RSPO3: variants seen among roughly 807,000 people sequenced by gnomAD.
The protein encoded by RSPO3 is R-spondin-3.
In RSPO3, 17 loss-of-function variants were observed where a neutral mutation model predicts 36.5. The observed-to-expected ratio is 0.47, with a 90% CI of 0.32 to 0.70. RSPO3 has a LOEUF of 0.70. Among genes scored for constraint, RSPO3 ranks in the 30% least tolerant of loss-of-function variants. The pLI is 0.04. For missense variants in RSPO3, 294 were observed against 322.5 expected (o/e 0.91, Z 0.68); for synonymous variants, 108 against 107.0 (o/e 1.01, Z -0.06).
chr6:127,151,541 C>T (rs929597946), intron 3 of RSPO3, among the ~76,000 whole-genome samples: 1 of 152,004 alleles, frequency 6.6e-6, no homozygotes, highest in Non-Finnish European at 1.5e-5. Context: ...CTCCAGGACT[C>T]CCCTGGAGTC....
At position 127,197,569 on chromosome 6, in the gene RSPO3, C is replaced by T. The variant is rs528752701; in HGVS notation, c.*1562C>T. The T allele has an allele frequency of 3.0e-5, 47 of 1,544,038 alleles. No individual in the cohort carries two copies. In the African/African-American group the frequency reaches 4.0e-4, roughly 13 times the overall value. ...CTTCCTGTTGTCATGGAAGGATGCA[C>T]GGCTGCTCTGTCCACTGTGATTCCT... On this transcript the variant is annotated 3_prime_UTR_variant, in exon 5 of 5. Coordinates refer to ENST00000356698, the MANE Select transcript of RSPO3 (RefSeq NM_032784.5).
At chr6:127,177,745 G>A (rs1775084078) in intron 4 of RSPO3, among the ~76,000 whole-genome samples, 1 of 151,646 alleles carries the variant, frequency 6.6e-6, no homozygotes, top group African/African-American at 2.4e-5. Context: ...GGAAGACAAA[G>A]GAGAAAAGGA....
At chr6:127,119,785 C>A (rs923757794) in intron 1 of RSPO3, 2 of 152,882 alleles carry the variant, frequency 1.3e-5, no homozygotes, top group African/African-American at 2.4e-5. Flanking sequence ...GGTAGCCGAA[C>A]GCCCGCTACC....
chr6:127,179,686 G>C (rs112889910), intron 4 of RSPO3, among the ~76,000 whole-genome samples: 166 of 151,986 alleles, frequency 1.1e-3, no homozygotes, highest in African/African-American at 3.9e-3. Context: ...TGAGAAGGTT[G>C]ACACAAGTTT....
At chr6:127,137,034 T>C (rs1311932193) in intron 1 of RSPO3, among the ~76,000 whole-genome samples, 1 of 152,170 alleles carries the variant, frequency 6.6e-6, no homozygotes, top group Non-Finnish European at 1.5e-5. Context: ...CTGGGTATTC[T>C]CTATGGTAGT....
intron 1 of RSPO3, among the ~76,000 whole-genome samples, chr6:127,129,767 G>A (rs1774013727): frequency 6.6e-6 from 1 of 151,960 alleles, no homozygotes; most frequent in Non-Finnish European, 1.5e-5. Flanking sequence ...GAATGTACGT[G>A]CCCACATAGA....
At chr6:127,121,501 A>G (rs1298757207) in intron 1 of RSPO3, among the ~76,000 whole-genome samples, 1 of 152,214 alleles carries the variant, frequency 6.6e-6, no homozygotes, top group Admixed American at 6.5e-5. Context: ...CAGCACCCAC[A>G]GCGATGCTCT....
intron 4 of RSPO3, among the ~76,000 whole-genome samples, chr6:127,158,026 T>C (rs1324212916): frequency 1.3e-5 from 2 of 150,598 alleles, no homozygotes; most frequent in Non-Finnish European, 3.0e-5. Context: ...ATATAATATG[T>C]ATAATATATA....
At chr6:127,129,857 A>T (rs1219554393) in intron 1 of RSPO3, among the ~76,000 whole-genome samples, 1 of 152,096 alleles carries the variant, frequency 6.6e-6, no homozygotes. Flanking sequence ...GTCTAAGTTC[A>T]TAAAAGAAGG....
At chr6:127,180,515 A>AAAAAAAAAAAAAAAAG (rs1775162612) in intron 4 of RSPO3, among the ~76,000 whole-genome samples, 1 of 136,860 alleles carries the variant, frequency 7.3e-6, no homozygotes, top group Non-Finnish European at 1.6e-5. Context: ...AAAAAAAAAA[A>AAAAAAAAAAAAAAAAG]CCACCAGATC....
At chr6:127,171,406 C>T (rs1307189996) in intron 4 of RSPO3, among the ~76,000 whole-genome samples, 1 of 151,672 alleles carries the variant, frequency 6.6e-6, no homozygotes, top group African/African-American at 2.4e-5. Flanking sequence ...TGAGAAGTGG[C>T]TCTCATGATA....
At chr6:127,173,847 G>T (rs544294668) in intron 4 of RSPO3, among the ~76,000 whole-genome samples, 19 of 152,002 alleles carry the variant, frequency 1.2e-4, no homozygotes, top group African/African-American at 4.6e-4. Flanking sequence ...GTGAGATTGA[G>T]ACTAGGGAAT....
chr6:127,188,902 T>C (rs1184767760), intron 4 of RSPO3, among the ~76,000 whole-genome samples: 1 of 152,112 alleles, frequency 6.6e-6, no homozygotes, highest in Non-Finnish European at 1.5e-5. Flanking sequence ...TGAAGTGACA[T>C]AAACAAGGAT....
intron 3 of RSPO3, among the ~76,000 whole-genome samples, chr6:127,151,771 TAAA>T (rs1377790112): frequency 6.6e-6 from 1 of 152,014 alleles, no homozygotes; most frequent in Non-Finnish European, 1.5e-5. Flanking sequence ...TCTCTAGTTG[TAAA>T]AACACATGGA....
chr6:127,144,643 G>GTTTTTTTGTTTTTTT (rs763226451), intron 1 of RSPO3, among the ~76,000 whole-genome samples: 18,187 of 98,382 alleles, frequency 0.18, 3,104 homozygotes, highest in Non-Finnish European at 0.24. Flanking sequence ...GCTTCCCCTT[G>GTTTTTTTGTTTTTTT]TTTTTTTTTT....
At chr6:127,138,277 T>C (rs556876613) in intron 1 of RSPO3, among the ~76,000 whole-genome samples, 2 of 152,296 alleles carry the variant, frequency 1.3e-5, no homozygotes, top group East Asian at 3.9e-4. Context: ...TCTTACCTTT[T>C]TCAGTCTGTT....
chr6:127,195,885 C>A lies in RSPO3; in HGVS notation c.697C>A (p.Pro233Thr), dbSNP rs1024233542. 7.4e-6 allele frequency: 12 copies of A among 1,611,238 alleles called. No homozygotes were observed. The African/African-American group carries it at 1.3e-4, about 18-fold the overall frequency. ...PNKGESKEAI[P>T]DSKSLESSKE... Reference sequence around the variant, plus strand: ...TAAAGGAGAAAGTAAAGAAGCAATACCTGACAGCAAAAGTCTGGAATCCAG... The same window carrying A: ...TAAAGGAGAAAGTAAAGAAGCAATAACTGACAGCAAAAGTCTGGAATCCAG... The change falls in exon 5 of 5, where the codon CCT becomes ACT. Residue 233 changes from proline (P) to threonine (T), a missense_variant. Around this residue, in one of 3 missense-constraint regions of RSPO3, gnomAD observed 190 missense variants for 185.2 expected, o/e 1.03. Coordinates refer to ENST00000356698, the MANE Select transcript of RSPO3 (RefSeq NM_032784.5).
At position 127,155,392 on chromosome 6, in the gene RSPO3, A is replaced by C. The variant is rs771706449; in HGVS notation, c.588A>C (p.Thr196=). The C allele has an allele frequency of 3.1e-6, 5 of 1,613,864 alleles. No individual in the cohort carries two copies. In the Admixed American group the frequency reaches 6.7e-5, roughly 22 times the overall value. ...KGNLCPPTNE[T]RKCTVQRKKC... ...ACCTGTGTCCCCCAACAAATGAGACAAGAAAGTGTACAGTGCAAAGGAAGA... is the reference window on the plus strand; with the variant it reads ...ACCTGTGTCCCCCAACAAATGAGACCAGAAAGTGTACAGTGCAAAGGAAGA... Residue 196 remains threonine, a synonymous_variant, in exon 4 of 5, where the codon ACA becomes ACC. Transcript: ENST00000356698.
At chr6:127,155,122 G>C (rs1396680931) in intron 3 of RSPO3, 119 bp from the exon 4 acceptor site, 4 of 925,752 alleles carry the variant, frequency 4.3e-6, no homozygotes, top group Non-Finnish European at 5.1e-6. Context: ...GCCCGACTTT[G>C]ATCTGCAAGA....
Sources: allele counts gnomAD v4.1 joint callset (sites outside exome capture counted in the v4.1 genomes callset), GRCh38; gene constraint gnomAD v4.1.1; regional missense constraint gnomAD v4.1.1; transcripts MANE v1.5; gene names NCBI Gene and HGNC (gene_info 2026-07-23, HGNC 2026-07-21).